Variants in EFTUD2 observed in about 807,000 individuals in gnomAD.
EFTUD2 encodes 116 kDa U5 small nuclear ribonucleoprotein component.
Under a neutral mutation model 114.3 loss-of-function variants are expected in EFTUD2, and 9 were observed. That is an observed-to-expected ratio of 0.08 (90% CI 0.05 to 0.14). The LOEUF (loss-of-function observed/expected upper bound fraction) is 0.14, where lower values mean the gene tolerates loss of function less well. Ranked by LOEUF, EFTUD2 falls within the 10% of genes least tolerant of loss-of-function variation. EFTUD2 has a pLI of 1.00. For synonymous variants in EFTUD2, 449 were observed against 462.3 expected (o/e 0.97, Z 0.37); for missense variants, 765 against 1,241.2 (o/e 0.62, Z 5.76).
At chr17:44,868,915 T>C (rs552675729) in intron 11 of EFTUD2, among the ~76,000 whole-genome samples, 1 of 152,312 alleles carries the variant, frequency 6.6e-6, no homozygotes, top group East Asian at 1.9e-4. Flanking sequence ...AGTTTGACTA[T>C]AACTGCTAAT....
chr17:44,864,976 G>A lies in EFTUD2; in HGVS notation c.1239C>T (p.Arg413=), dbSNP rs2050719358. 3 of 1,614,186 alleles carry A rather than the reference G, an allele frequency of 1.9e-6. No individual in the cohort carries two copies. The highest frequency in any genetic ancestry group is 1.1e-5 in the South Asian group (1 of 91,070). ...TTTTGCAGACCAGCCTGAGCAAGGG[G>A]CGGATGTTCAGCTTCAGCTCCTCCT... ...LTKEELKLNI[R]PLLRLVCKKF... The change falls in exon 14 of 28, where the codon CGC becomes CGT. Residue 413 remains arginine (R), a synonymous_variant. Coordinates refer to ENST00000426333, the MANE Select transcript of EFTUD2 (RefSeq NM_004247.4).
intron 9 of EFTUD2, among the ~76,000 whole-genome samples, chr17:44,879,306 G>A (rs774509043): frequency 2.6e-5 from 4 of 152,072 alleles, no homozygotes; most frequent in Non-Finnish European, 5.9e-5. Flanking sequence ...GGCTGGTCTC[G>A]AACTCCTGAC....
chr17:44,872,743 G>C (rs1260359134), intron 10 of EFTUD2, 173 bp from the exon 11 acceptor site: 5 of 629,492 alleles, frequency 7.9e-6, no homozygotes, highest in African/African-American at 7.7e-5. Flanking sequence ...TGATGGAGCT[G>C]TTCCCCTAAT....
intron 12 of EFTUD2, 52 bp downstream of exon 12, chr17:44,868,235 T>C: frequency 6.6e-7 from 1 of 1,519,012 alleles, no homozygotes; most frequent in South Asian, 1.2e-5. Flanking sequence ...TGTCCTCACT[T>C]ACTGGGTAAA....
At chr17:44,859,470 C>T (rs1472331214) in intron 18 of EFTUD2, 2 of 524,846 alleles carry the variant, frequency 3.8e-6, no homozygotes, top group African/African-American at 1.9e-5. Flanking sequence ...ATAAGCTAGC[C>T]CTTTAGCCCT....
chr17:44,881,946 T>C, intron 6 of EFTUD2: 1 of 515,042 alleles, frequency 1.9e-6, no homozygotes, highest in East Asian at 3.6e-5. Context: ...TTTTACTTTT[T>C]TGGAGACAGA....
At chr17:44,897,634 G>A (rs879354183) in intron 1 of EFTUD2, among the ~76,000 whole-genome samples, 1 of 151,982 alleles carries the variant, frequency 6.6e-6, no homozygotes, top group Non-Finnish European at 1.5e-5. Flanking sequence ...GCACGATCTC[G>A]ACTCACTGCA....
At chr17:44,891,241 TATGGGAATGAGATAA>T (rs1361575427) in intron 2 of EFTUD2, among the ~76,000 whole-genome samples, 2 of 152,306 alleles carry the variant, frequency 1.3e-5, no homozygotes, top group Middle Eastern at 3.4e-3. Context: ...TGGTGGCAGG[TATGGGAATGAGATAA>T]ATGGGAATTA....
At chr17:44,882,452 C>T (rs553308716) in intron 6 of EFTUD2, among the ~76,000 whole-genome samples, 9 of 152,222 alleles carry the variant, frequency 5.9e-5, no homozygotes, top group Non-Finnish European at 8.8e-5. Flanking sequence ...GATAGAGTTT[C>T]GCCATGTTGG....
At chr17:44,866,924 C>G (rs2050756497) in intron 13 of EFTUD2, among the ~76,000 whole-genome samples, 1 of 152,054 alleles carries the variant, frequency 6.6e-6, no homozygotes, top group Non-Finnish European at 1.5e-5. Flanking sequence ...GGGATAATGG[C>G]AAGACCCTGT....
rs1488851588 is a variant in EFTUD2 at position 44,851,722 on chromosome 17, G to A, written c.2811C>T (p.Thr937=). ...PHLAREFMIK[T]RRRKGLSEDV... Reference sequence around the variant, plus strand: ...AAGGGAGACATACCTTCCTACGGCGGGTTTTGATCATGAATTCCCGGGCCA... The same window carrying A: ...AAGGGAGACATACCTTCCTACGGCGAGTTTTGATCATGAATTCCCGGGCCA... Residue 937 remains threonine, a synonymous_variant, in exon 27 of 28, where the codon ACC becomes ACT. Coordinates refer to ENST00000426333, the MANE Select transcript of EFTUD2 (RefSeq NM_004247.4). The A allele has an allele frequency of 6.4e-7, 1 of 1,574,244 alleles. No homozygotes were observed. The highest frequency in any genetic ancestry group is 8.6e-7 in the Non-Finnish European group (1 of 1,161,210).
intron 11 of EFTUD2, among the ~76,000 whole-genome samples, chr17:44,871,505 AT>A (rs1449392916): frequency 8.6e-5 from 13 of 150,912 alleles, no homozygotes; most frequent in Admixed American, 8.0e-4. Context: ...CGCCTGGCTA[AT>A]TTTTTTGCAT....
chr17:44,868,039 C>T, intron 12 of EFTUD2, 142 bp from the exon 13 acceptor site: 1 of 923,814 alleles, frequency 1.1e-6, no homozygotes, highest in Non-Finnish European at 1.6e-6. Flanking sequence ...GAGACAGATT[C>T]CTGGAAGGAT....
At chr17:44,878,603 G>A (rs1036504890) in intron 9 of EFTUD2, among the ~76,000 whole-genome samples, 2 of 152,206 alleles carry the variant, frequency 1.3e-5, no homozygotes, top group African/African-American at 2.4e-5. Flanking sequence ...ATAGGTGAAT[G>A]TCCTTATTCT....
rs2050510369 is a variant in EFTUD2, at chr17:44,854,416, G to C, written c.2260-60C>G. On this transcript the variant is annotated intron_variant, in intron 22 of 27. Transcript: ENST00000426333. The surrounding 1 kb of genome is among the most constrained non-coding windows in gnomAD (Gnocchi z 4.3). ...CCTGGCAACGGCTGAAGCATTTAGAGGGAGAAGACAGATGTGCCTGTAAGG... is the reference window on the plus strand; with the variant it reads ...CCTGGCAACGGCTGAAGCATTTAGACGGAGAAGACAGATGTGCCTGTAAGG... 1 of 1,590,156 alleles carries C rather than the reference G, an allele frequency of 6.3e-7. No homozygotes were observed. Among genetic ancestry groups the C allele is most frequent in the African/African-American group, 1.4e-5 (1 of 74,008 alleles).
chr17:44,853,128 C>T (rs913662515), intron 25 of EFTUD2, among the ~76,000 whole-genome samples, 168 bp downstream of exon 25: 6 of 152,096 alleles, frequency 3.9e-5, no homozygotes, highest in East Asian at 1.9e-4. Flanking sequence ...TGCAGAAAAG[C>T]GGGGGCTTGC....
chr17:44,884,013 T>A (rs1318889036), intron 4 of EFTUD2: 1 of 368,632 alleles, frequency 2.7e-6, no homozygotes, highest in Non-Finnish European at 5.2e-6. Flanking sequence ...ATGCCTGTGA[T>A]CCCAGCACTT....
At position 44,854,131 on chromosome 17, in the gene EFTUD2, G is replaced by A; in HGVS notation, c.2347+138C>T. 2 of 1,413,586 alleles carry A rather than the reference G, an allele frequency of 1.4e-6. No individual in the cohort carries two copies. Among genetic ancestry groups the A allele is most frequent in the African/African-American group, 2.9e-5 (2 of 69,496 alleles). The allele number at this position is 1,413,586 out of a possible 1,614,324, so 87.6% of individuals were successfully genotyped here. A position where few individuals can be genotyped will look rare whatever the true frequency, so the allele number is the denominator to read the frequency against. On this transcript the variant is annotated intron_variant, in intron 23 of 27. Coordinates refer to ENST00000426333, the MANE Select transcript of EFTUD2 (RefSeq NM_004247.4). This position sits in a 1 kb window ranked among gnomAD's most constrained non-coding sequence, Gnocchi z 4.3. ...ATAAGGAAGGAAAAGGGAAGAAGCTGGCCCAGGACTTGGGATGGTCCTGTG... is the reference window on the plus strand; with the variant it reads ...ATAAGGAAGGAAAAGGGAAGAAGCTAGCCCAGGACTTGGGATGGTCCTGTG...
Position 44,854,390 on chromosome 17 carries a change from C to T in EFTUD2, c.2260-34G>A, listed in dbSNP as rs1354006851. 2 of 1,605,620 alleles carry T rather than the reference C, an allele frequency of 1.2e-6. No homozygotes were observed. Among genetic ancestry groups the T allele is most frequent in the East Asian group, 2.2e-5 (1 of 44,832 alleles). On this transcript the variant is annotated intron_variant, in intron 22 of 27. Coordinates refer to ENST00000426333, the MANE Select transcript of EFTUD2 (RefSeq NM_004247.4). The surrounding 1 kb of genome is among the most constrained non-coding windows in gnomAD (Gnocchi z 4.3). The stretch of plus-strand genomic sequence containing the variant: ...AAACATGAGGCCTCCTTAGCAGTCG[C>T]CCTGGCAACGGCTGAAGCATTTAGA...
Sources: gnomAD v4.1 joint callset for allele counts (sites outside exome capture counted in the v4.1 genomes callset) on GRCh38, gnomAD v4.1.1 for gene constraint, Gnocchi (gnomAD v3.1) non-coding constraint, MANE v1.5 for transcripts, NCBI Gene and HGNC (gene_info 2026-07-23, HGNC 2026-07-21) for gene names.